The following MMP26 variants were observed in gnomAD, a reference collection of about 807,000 sequenced individuals.
MMP26 encodes the protein matrix metalloproteinase-26.
A neutral mutation model predicts 31.0 loss-of-function variants in MMP26; 33 were observed. The ratio of observed to expected loss-of-function variants is 1.06; its 90% confidence interval spans 0.81 to 1.42. The LOEUF (loss-of-function observed/expected upper bound fraction) is 1.42, where lower values mean the gene tolerates loss of function less well. Ranked by LOEUF, MMP26 falls within the 40% of genes most tolerant of loss-of-function variation. The probability of loss-of-function intolerance (pLI) is 0.00; values close to 1 mark genes in which losing one functional copy is unlikely to be tolerated. For synonymous variants in MMP26, 122 were observed against 114.9 expected (o/e 1.06, Z -0.40); for missense variants, 347 against 316.1 (o/e 1.10, Z -0.74).
intron 2 of MMP26, among the ~76,000 whole-genome samples, chr11:4,825,379 A>G (rs1849565777): frequency 6.6e-6 from 1 of 152,094 alleles, no homozygotes; most frequent in Non-Finnish European, 1.5e-5. Flanking sequence ...TAGCTCTGCC[A>G]CCTTTTTAGT....
At chr11:4,741,334 A>C (rs1848308990) in intron 1 of MMP26, among the ~76,000 whole-genome samples, 2 of 152,208 alleles carry the variant, frequency 1.3e-5, no homozygotes, top group South Asian at 4.1e-4. Flanking sequence ...TCATTCTACT[A>C]TAAAGACACA....
At position 4,716,650 on chromosome 11, in the gene MMP26, C is replaced by CTTTTTTTTT. The variant is rs71050424; in HGVS notation, c.-217+11625_-217+11633dup. On this transcript the variant is annotated intron_variant, in intron 1 of 7. Transcript: ENST00000380390. ...ATTCCATACTTGATCTCTCTTACCT[C>CTTTTTTTTT]TTTTTTTTTTTTTTTTTTTTTTTTT... Among the ~76,000 whole-genome samples the CTTTTTTTTT allele has an allele frequency of 6.9e-4, 45 of 65,042 alleles. 5 individuals are homozygous for CTTTTTTTTT. Among genetic ancestry groups the CTTTTTTTTT allele is most frequent in the African/African-American group, 9.5e-4 (14 of 14,748 alleles). The allele number at this position is 65,042 out of a possible 152,430, so 42.7% of individuals were successfully genotyped here. A position where few individuals can be genotyped will look rare whatever the true frequency, so the allele number is the denominator to read the frequency against.
intron 2 of MMP26, among the ~76,000 whole-genome samples, chr11:4,952,751 C>T (rs1846386712): frequency 1.6e-5 from 2 of 125,004 alleles, no homozygotes; most frequent in Admixed American, 1.8e-4. Context: ...TTATAAAAAG[C>T]TGGGTCATTG....
At chr11:4,732,007 C>A (rs1848180175) in intron 1 of MMP26, among the ~76,000 whole-genome samples, 1 of 152,164 alleles carries the variant, frequency 6.6e-6, no homozygotes, top group South Asian at 2.1e-4. Flanking sequence ...AAACCACCCA[C>A]ATTCATTCTT....
intron 2 of MMP26, among the ~76,000 whole-genome samples, chr11:4,840,390 C>G (rs1033518148): frequency 1.3e-5 from 2 of 152,178 alleles, no homozygotes; most frequent in African/African-American, 4.8e-5. Flanking sequence ...GGTGTGCTGG[C>G]TTCAGGTCTG....
chr11:4,967,378 G>A (rs761918486), intron 2 of MMP26, among the ~76,000 whole-genome samples: 1 of 152,096 alleles, frequency 6.6e-6, no homozygotes, highest in African/African-American at 2.4e-5. Flanking sequence ...GGCCTTATAC[G>A]TTTTCTTTAC....
rs186533537 is a variant in MMP26, at chr11:4,715,980, G to C, written c.-217+10935G>C. Reference sequence around the variant, plus strand: ...CCTAATCACGGAAGTCTTTAAAAGAGAGAAGAATCTCGAAGGAGGTTCTAC... The same window carrying C: ...CCTAATCACGGAAGTCTTTAAAAGACAGAAGAATCTCGAAGGAGGTTCTAC... On this transcript the variant is annotated intron_variant, in intron 1 of 7. Coordinates refer to ENST00000380390, the MANE Select transcript of MMP26 (RefSeq NM_021801.5). Among the ~76,000 whole-genome samples, 809 of 152,324 alleles carry C rather than the reference G, an allele frequency of 5.3e-3. 4 individuals carry two copies. The highest frequency in any genetic ancestry group is 7.9e-3 in the Non-Finnish European group (538 of 68,036).
chr11:4,870,451 A>G (rs1344544905), intron 2 of MMP26, among the ~76,000 whole-genome samples: 1 of 152,118 alleles, frequency 6.6e-6, no homozygotes, highest in East Asian at 1.9e-4. Context: ...GAAATATTTT[A>G]CTGTGATTTA....
At chr11:4,706,404 A>G (rs980185684) in intron 1 of MMP26, among the ~76,000 whole-genome samples, 1 of 138,210 alleles carries the variant, frequency 7.2e-6, no homozygotes, top group Non-Finnish European at 1.5e-5. Flanking sequence ...TACAAAAAAT[A>G]AAAAAAAATT....
chr11:4,709,678 A>C (rs141695510), intron 1 of MMP26: 1 of 457,846 alleles, frequency 2.2e-6, no homozygotes, highest in Admixed American at 2.3e-5. Context: ...TGTTGTCTCT[A>C]TGTCATTGCT....
At chr11:4,892,173 A>T (rs933365207) in intron 2 of MMP26, among the ~76,000 whole-genome samples, 41 of 152,118 alleles carry the variant, frequency 2.7e-4, no homozygotes, top group Non-Finnish European at 1.9e-4. Context: ...GACTATCATG[A>T]GTCATTCCTC....
chr11:4,840,253 C>T (rs1336280292), intron 2 of MMP26, among the ~76,000 whole-genome samples: 1 of 152,216 alleles, frequency 6.6e-6, no homozygotes, highest in East Asian at 1.9e-4. Context: ...GGGGATCTCA[C>T]CTTCCTGAAG....
chr11:4,913,722 AC>A, intron 2 of MMP26: 1 of 152,312 alleles, frequency 6.6e-6, no homozygotes, highest in Admixed American at 6.5e-5. Flanking sequence ...AAAAATGGCA[AC>A]AAAAACAACA....
At chr11:4,825,955 A>G (rs965881807) in intron 2 of MMP26, among the ~76,000 whole-genome samples, 1 of 152,060 alleles carries the variant, frequency 6.6e-6, no homozygotes. Flanking sequence ...GAGAATTATT[A>G]ACAAGGAGCT....
At chr11:4,872,923 G>A (rs887655461) in intron 2 of MMP26, among the ~76,000 whole-genome samples, 3 of 151,916 alleles carry the variant, frequency 2.0e-5, no homozygotes, top group Admixed American at 6.6e-5. Context: ...CTGGACATAC[G>A]GACCCACCTG....
chr11:4,833,368 C>A (rs983564110), intron 2 of MMP26, among the ~76,000 whole-genome samples: 8 of 152,164 alleles, frequency 5.3e-5, no homozygotes, highest in African/African-American at 1.4e-4. Context: ...TCTTGCAAAT[C>A]TTCTAATGAG....
chr11:4,723,025 C>A, intron 1 of MMP26: 1 of 998,474 alleles, frequency 1.0e-6, no homozygotes, highest in South Asian at 1.3e-5. Context: ...AGGTGGCGAT[C>A]TCGATATCCA....
At chr11:4,844,550 A>G (rs2133492946) in intron 2 of MMP26, among the ~76,000 whole-genome samples, 1 of 152,316 alleles carries the variant, frequency 6.6e-6, no homozygotes, top group East Asian at 1.9e-4. Flanking sequence ...AAAACATTAG[A>G]AAGATAATTC....
chr11:4,813,611 T>A (rs1258949146), intron 2 of MMP26, among the ~76,000 whole-genome samples: 1 of 150,918 alleles, frequency 6.6e-6, no homozygotes, highest in East Asian at 1.9e-4. Flanking sequence ...GAAATCAGTA[T>A]GAAAAAAACA....
Sources: allele counts gnomAD v4.1 joint callset (sites outside exome capture counted in the v4.1 genomes callset), GRCh38; gene constraint gnomAD v4.1.1; transcripts MANE v1.5; gene names NCBI Gene and HGNC (gene_info 2026-07-23, HGNC 2026-07-21).